The following ADISSP variants were observed in gnomAD, a reference collection of about 807,000 sequenced individuals.
ADISSP encodes adipose-secreted signaling protein.
chr20:3,760,780 G>C, the ADISSP span, among the ~76,000 whole-genome samples: 2 of 152,242 alleles, frequency 1.3e-5, no homozygotes, highest in South Asian at 4.1e-4. Context: ...TTCAGACCCT[G>C]CCCTGAGTCT....
chr20:3,762,075 C>T, the ADISSP span, among the ~76,000 whole-genome samples: 1 of 152,086 alleles, frequency 6.6e-6, no homozygotes, highest in Non-Finnish European at 1.5e-5. Flanking sequence ...AGTTCAAGAC[C>T]AGCCTGGCCA....
the ADISSP span, among the ~76,000 whole-genome samples, chr20:3,763,971 C>A: frequency 3.3e-5 from 5 of 152,176 alleles, no homozygotes; most frequent in African/African-American, 7.2e-5. Context: ...GGCCAGCAAC[C>A]CCCTCTTGGA....
the ADISSP span, chr20:3,754,671 A>G: frequency 2.6e-6 from 2 of 776,988 alleles, no homozygotes; most frequent in Non-Finnish European, 4.2e-6. Flanking sequence ...GAGCCCAGAG[A>G]CCCATTCCCC....
chr20:3,760,930 T>G, the ADISSP span, among the ~76,000 whole-genome samples: 902 of 152,266 alleles, frequency 5.9e-3, 11 homozygotes, highest in African/African-American at 0.021. Flanking sequence ...TGGAAACAGA[T>G]GGAACACATA....
the ADISSP span, among the ~76,000 whole-genome samples, chr20:3,764,505 C>T: frequency 1.3e-5 from 2 of 152,232 alleles, no homozygotes; most frequent in Admixed American, 1.3e-4. Flanking sequence ...GCCACACCTT[C>T]GACAGGGTCT....
chr20:3,758,435 C>G, the ADISSP span: 1 of 1,074,320 alleles, frequency 9.3e-7, no homozygotes, highest in Non-Finnish European at 1.4e-6. The surrounding 1 kb of genome is among the most constrained non-coding windows in gnomAD (Gnocchi z 5.5). Context: ...AAGGCACAGA[C>G]ATGCCTATAA....
chr20:3,759,621 C>T, the ADISSP span, among the ~76,000 whole-genome samples: 1 of 152,140 alleles, frequency 6.6e-6, no homozygotes, highest in South Asian at 2.1e-4. This position sits in a 1 kb window ranked among gnomAD's most constrained non-coding sequence, Gnocchi z 4.6. Flanking sequence ...CAGCCTGGCA[C>T]ATCCACAATC....
the ADISSP span, among the ~76,000 whole-genome samples, chr20:3,760,633 C>T: frequency 1.3e-5 from 2 of 152,232 alleles, no homozygotes. Context: ...TCAGAGGCAA[C>T]AGGGTGCTCG....
At chr20:3,759,542 G>A in the ADISSP span, among the ~76,000 whole-genome samples, 1 of 151,982 alleles carries the variant, frequency 6.6e-6, no homozygotes, top group African/African-American at 2.4e-5. The surrounding 1 kb of genome is among the most constrained non-coding windows in gnomAD (Gnocchi z 4.6). Context: ...CCCTGCCCAG[G>A]GTCCTCTTGG....
chr20:3,754,562 T>G, the ADISSP span: 1 of 1,596,120 alleles, frequency 6.3e-7, no homozygotes, highest in South Asian at 1.1e-5. Flanking sequence ...TCCCCCAGCC[T>G]CCCCGATCCT....
At chr20:3,767,870 A>G in the ADISSP span, 1 of 152,184 alleles carries the variant, frequency 6.6e-6, no homozygotes, top group African/African-American at 2.4e-5. Context: ...AAGAACGGCC[A>G]ACTGGCGAGG....
the ADISSP span, chr20:3,754,652 G>A: frequency 2.9e-4 from 262 of 913,298 alleles, no homozygotes; most frequent in Non-Finnish European, 4.0e-4. Context: ...GGCAGGGATG[G>A]CCCTTCTGGA....
At chr20:3,765,082 C>T in the ADISSP span, among the ~76,000 whole-genome samples, 1 of 152,228 alleles carries the variant, frequency 6.6e-6, no homozygotes, top group Non-Finnish European at 1.5e-5. Context: ...TGGATAGTGA[C>T]AACATAGAGG....
the ADISSP span, chr20:3,753,896 T>G: frequency 8.2e-6 from 5 of 610,890 alleles, no homozygotes; most frequent in East Asian, 2.8e-5. Context: ...AGGGGCAGGG[T>G]GGCAGCACAA....
chr20:3,757,221 G>A, the ADISSP span, among the ~76,000 whole-genome samples: 8,911 of 151,822 alleles, frequency 0.059, 333 homozygotes, highest in African/African-American at 0.11. Flanking sequence ...GTGGTGGCAC[G>A]CGCCTGTAAT....
chr20:3,754,536 G>A, the ADISSP span: 2 of 1,603,806 alleles, frequency 1.2e-6, no homozygotes, highest in East Asian at 2.2e-5. Context: ...GGGGACAGGG[G>A]CAATTGGTCA....
At chr20:3,753,795 C>T in the ADISSP span, 25 of 543,868 alleles carry the variant, frequency 4.6e-5, no homozygotes, top group South Asian at 5.1e-4. Flanking sequence ...CCTCTCCCTT[C>T]CTCAGACAGC....
the ADISSP span, chr20:3,759,988 C>T: frequency 1.4e-6 from 2 of 1,467,386 alleles, no homozygotes; most frequent in African/African-American, 1.5e-5. This position sits in a 1 kb window ranked among gnomAD's most constrained non-coding sequence, Gnocchi z 4.6. Context: ...CACACACACA[C>T]AGGTGGTGCG....
the ADISSP span, among the ~76,000 whole-genome samples, chr20:3,761,113 C>G: frequency 6.6e-6 from 1 of 152,148 alleles, no homozygotes; most frequent in African/African-American, 2.4e-5. Context: ...TTTCTTGTAA[C>G]CAAATTGCCC....
Sources: allele counts gnomAD v4.1 joint callset (sites outside exome capture counted in the v4.1 genomes callset), GRCh38; gene constraint gnomAD v4.1.1; non-coding constraint Gnocchi (gnomAD v3.1); transcripts MANE v1.5; gene names NCBI Gene and HGNC (gene_info 2026-07-23, HGNC 2026-07-21).